The following FCRL2 variants were observed in gnomAD, a reference collection of about 807,000 sequenced individuals.
The protein encoded by FCRL2 is Fc receptor-like protein 2.
A neutral mutation model predicts 59.8 loss-of-function variants in FCRL2; 48 were observed. The ratio of observed to expected loss-of-function variants is 0.80; its 90% CI spans 0.64 to 1.02. The LOEUF (loss-of-function observed/expected upper bound fraction) is 1.02. Ranked by LOEUF, FCRL2 falls within the 50% of genes least tolerant of loss-of-function variation. The pLI, the probability that FCRL2 is intolerant of heterozygous loss-of-function variation, is 0.00. For missense variants in FCRL2, 658 were observed against 597.3 expected, an observed-to-expected ratio of 1.10 and a Z score of -1.06; for synonymous variants, 251 against 229.5, an observed-to-expected ratio of 1.09 and a Z score of -0.85.
intron 3 of FCRL2, 88 bp from the exon 4 acceptor site, chr1:157,770,238 C>T: frequency 1.3e-6 from 2 of 1,508,902 alleles, no homozygotes; most frequent in Non-Finnish European, 9.0e-7. Context: ...CCCCAGCAAA[C>T]AGGACATTCA....
Position 157,770,551 on chromosome 1 carries a change from T to C in FCRL2, c.168A>G (p.Lys56=), listed in dbSNP as rs779937149. ...AGAATTTTTTGAAAACAGATAACTC[T>C]TTGTTATCCTTATGGTAAGCCATCT... The part of the protein sequence containing the change: ...IQKMAYHKDN[K]ELSVFKKFSD... Residue 56 remains lysine, a synonymous_variant, in exon 3 of 12, where the codon AAA becomes AAG. Coordinates refer to ENST00000361516, the MANE Select transcript of FCRL2 (RefSeq NM_030764.4). 6.2e-7 allele frequency: 1 copy of C among 1,614,230 alleles called. No individual in the cohort carries two copies. Among genetic ancestry groups the C allele is most frequent in the East Asian group, 2.2e-5 (1 of 44,894 alleles).
intron 2 of FCRL2, among the ~76,000 whole-genome samples, chr1:157,771,680 CATTT>C (rs1415577839): frequency 1.3e-5 from 2 of 152,208 alleles, no homozygotes; most frequent in African/African-American, 4.8e-5. Flanking sequence ...CCCGTCACTT[CATTT>C]ATTTACGGTA....
chr1:157,749,951 A>T (rs74119655), intron 7 of FCRL2, among the ~76,000 whole-genome samples: 2,700 of 152,108 alleles, frequency 0.018, 69 homozygotes, highest in African/African-American at 0.061. Flanking sequence ...ATTCTGTTCT[A>T]TTGTCTCTTT....
chr1:157,754,953 G>A (rs145518568), intron 7 of FCRL2, among the ~76,000 whole-genome samples: 1,708 of 151,382 alleles, frequency 0.011, 12 homozygotes, highest in Middle Eastern at 0.017. Flanking sequence ...GTGACAGAGA[G>A]AGACTCTGTC....
Position 157,766,855 on chromosome 1 carries a change from C to G in FCRL2, c.1279G>C (p.Gly427Arg), listed in dbSNP as rs1019788204. 2.6e-5 allele frequency: 42 copies of G among 1,613,952 alleles called. No individual in the cohort carries two copies. The highest frequency in any genetic ancestry group is 3.5e-5 in the Non-Finnish European group (41 of 1,180,006). The change falls in exon 7 of 12, where the codon GGA (glycine) becomes CGA (arginine). Residue 427 changes from glycine (G) to arginine (R), a missense_variant and splice_region_variant. Physicochemically the swap from Gly to Arg is moderately radical, Grantham distance 125 (BLOSUM62 -2). Transcript: ENST00000361516. Reference protein sequence around the residue: ...LLYALFHKISGESSATNEPRG... With the variant: ...LLYALFHKISRESSATNEPRG... ...GGAGAATCCAAATGGTAGATACAAC[C>G]TGATATCTTGTGGAACAAGGCATAC...
intron 2 of FCRL2, among the ~76,000 whole-genome samples, chr1:157,771,665 T>G (rs1557870651): frequency 1.3e-5 from 2 of 152,230 alleles, no homozygotes; most frequent in Non-Finnish European, 2.9e-5. Context: ...TTCTCTAATT[T>G]TGACCCCGTC....
chr1:157,775,966 C>T (rs1360616725), intron 1 of FCRL2, among the ~76,000 whole-genome samples, 171 bp from the exon 2 acceptor site: 1 of 152,234 alleles, frequency 6.6e-6, no homozygotes, highest in Non-Finnish European at 1.5e-5. Context: ...ACACATCTAA[C>T]TGTCATTCAT....
At chr1:157,753,804 C>G (rs1648379488) in intron 7 of FCRL2, among the ~76,000 whole-genome samples, 1 of 152,188 alleles carries the variant, frequency 6.6e-6, no homozygotes, top group African/African-American at 2.4e-5. Flanking sequence ...TCCAGGAGCC[C>G]CTCTGTTGAG....
intron 7 of FCRL2, among the ~76,000 whole-genome samples, chr1:157,761,336 C>T (rs1649089441): frequency 6.6e-6 from 1 of 152,180 alleles, no homozygotes; most frequent in Non-Finnish European, 1.5e-5. Context: ...GACACTTAGG[C>T]TGGGAGTGGT....
chr1:157,760,964 A>AAAAAT (rs1178069737), intron 7 of FCRL2, among the ~76,000 whole-genome samples: 1 of 152,202 alleles, frequency 6.6e-6, no homozygotes, highest in East Asian at 1.9e-4. Context: ...GTTGGAAGTA[A>AAAAAT]AAAATAAAAT....
At chr1:157,752,136 T>C (rs1648239344) in intron 7 of FCRL2, among the ~76,000 whole-genome samples, 1 of 152,200 alleles carries the variant, frequency 6.6e-6, no homozygotes, top group Non-Finnish European at 1.5e-5. Flanking sequence ...GTTTTTGTTG[T>C]TGTTTGCCTA....
chr1:157,750,158 A>T (rs1213002046), intron 7 of FCRL2, among the ~76,000 whole-genome samples: 1 of 152,242 alleles, frequency 6.6e-6, no homozygotes, highest in East Asian at 1.9e-4. Flanking sequence ...TGACATTCGT[A>T]AGGCGAACTA....
chr1:157,767,347 C>A lies in FCRL2; in HGVS notation c.1046G>T (p.Gly349Val), dbSNP rs1380669679. The A allele has an allele frequency of 6.2e-7, 1 of 1,614,088 alleles. No homozygotes were observed. The highest frequency in any genetic ancestry group is 8.5e-7 in the Non-Finnish European group (1 of 1,180,020). Residue 349 changes from glycine (G) to valine (V), a missense_variant, in exon 6 of 12, where the codon GGA becomes GTA. Gly to Val is a moderately radical substitution (Grantham distance 109, BLOSUM62 -3). Transcript: ENST00000361516. ...VTLGNSSAPS[G>V]GGASFNLSLT... is the part of the protein sequence containing the mutation. ...AGAGAGGTTGAAGGAGGCCCCTCCT[C>A]CAGAGGGGGCCGAGCTGTTCCCAAG...
At chr1:157,763,184 A>T (rs1649232247) in intron 7 of FCRL2, among the ~76,000 whole-genome samples, 1 of 152,274 alleles carries the variant, frequency 6.6e-6, no homozygotes, top group Non-Finnish European at 1.5e-5. Flanking sequence ...AGAAAACTTC[A>T]CATATCAGTA....
At chr1:157,760,703 GAAA>G (rs1648985803) in intron 7 of FCRL2, among the ~76,000 whole-genome samples, 2 of 79,030 alleles carry the variant, frequency 2.5e-5, no homozygotes, top group African/African-American at 1.1e-4. Context: ...AAGAAGGAAA[GAAA>G]GAAAGAAAGA....
intron 7 of FCRL2, among the ~76,000 whole-genome samples, chr1:157,758,064 C>T (rs74119541): frequency 0.018 from 2,745 of 152,298 alleles, 71 homozygotes; most frequent in African/African-American, 0.061. Context: ...ACTGTCTTCA[C>T]GGGAAAGAAC....
chr1:157,760,707 GAAA>G (rs1648989235), intron 7 of FCRL2, among the ~76,000 whole-genome samples: 1 of 104,926 alleles, frequency 9.5e-6, no homozygotes. Context: ...AGGAAAGAAA[GAAA>G]GAAAGAAAGA....
chr1:157,752,258 T>G (rs758885475), intron 7 of FCRL2, among the ~76,000 whole-genome samples: 3 of 152,182 alleles, frequency 2.0e-5, no homozygotes, highest in Non-Finnish European at 2.9e-5. Flanking sequence ...TGGGAGCAAG[T>G]CTTTCCCGTG....
At chr1:157,757,823 G>T (rs548980999) in intron 7 of FCRL2, among the ~76,000 whole-genome samples, 2 of 152,192 alleles carry the variant, frequency 1.3e-5, no homozygotes, top group Non-Finnish European at 2.9e-5. Flanking sequence ...TTAGCCAGGC[G>T]TGGTGGCGGA....
Sources: gnomAD v4.1 joint callset for allele counts (sites outside exome capture counted in the v4.1 genomes callset) on GRCh38, gnomAD v4.1.1 for gene constraint, MANE v1.5 for transcripts, NCBI Gene and HGNC (gene_info 2026-07-23, HGNC 2026-07-21) for gene names.